The following NUP98 variants were observed in gnomAD, a reference collection of about 807,000 sequenced individuals.
NUP98 encodes the protein nucleoporin 98 and 96 precursor, also known as nuclear pore complex protein Nup98-Nup96.
A neutral mutation model predicts 191.9 loss-of-function variants in NUP98; 26 were observed. That is an observed-to-expected ratio of 0.14 (90% CI 0.10 to 0.19). The LOEUF is 0.19. Among genes scored for constraint, NUP98 ranks in the 10% least tolerant of loss-of-function variants. The pLI, the probability that NUP98 is intolerant of heterozygous loss-of-function variation, is 1.00. For synonymous variants in NUP98, 808 were observed against 778.4 expected (o/e 1.04, Z -0.63); for missense variants, 1,941 against 2,178.8 (o/e 0.89, Z 2.17).
chr11:3,725,229 A>G lies in NUP98; in HGVS notation c.1731-10T>C. ...CTTCTTAATGCTCTTCCTATAAACA[A>G]GAAACCAAAAGAAGAAGAAAAAAAT... On this transcript the variant is annotated splice_polypyrimidine_tract_variant and intron_variant, in intron 14 of 32. Coordinates refer to ENST00000324932, the MANE Select transcript of NUP98 (RefSeq NM_016320.5). 1 of 1,294,558 alleles carries G rather than the reference A, an allele frequency of 7.7e-7. No homozygotes were observed. Among genetic ancestry groups the G allele is most frequent in the Non-Finnish European group, 1.1e-6 (1 of 902,794 alleles). The allele number at this position is 1,294,558 out of a possible 1,614,324, so 80.2% of individuals were successfully genotyped here.
At chr11:3,768,504 A>G in intron 8 of NUP98, 77 bp downstream of exon 8, 1 of 1,300,562 alleles carries the variant, frequency 7.7e-7, no homozygotes, top group Non-Finnish European at 1.0e-6. Flanking sequence ...AGAATTTGCT[A>G]GTTTGACATG....
At chr11:3,774,011 T>TAATATTATGCATAA (rs2081617340) in intron 5 of NUP98, among the ~76,000 whole-genome samples, 1 of 152,170 alleles carries the variant, frequency 6.6e-6, no homozygotes, top group Non-Finnish European at 1.5e-5. Flanking sequence ...AAAATACATG[T>TAATATTATGCATAA]AATATTATGC....
chr11:3,791,533 C>CAAAAAAAA (rs71041395), intron 1 of NUP98, among the ~76,000 whole-genome samples: 94 of 67,202 alleles, frequency 1.4e-3, no homozygotes, highest in Non-Finnish European at 1.9e-3. Context: ...GACCTCGTCT[C>CAAAAAAAA]AAAAAAAAAA....
At position 3,676,579 on chromosome 11, in the gene NUP98, T is replaced by C. The variant is rs1486680623; in HGVS notation, c.5115A>G (p.Lys1705=). ...CTATCCGACTGCACAGTGAAGTCACTTTGATGTGTAACTGCTCCAGGTCAT... is the reference window on the plus strand; with the variant it reads ...CTATCCGACTGCACAGTGAAGTCACCTTGATGTGTAACTGCTCCAGGTCAT... ...SGNDLEQLHI[K]VTSLCSRIEQ... is the part of the protein sequence containing the mutation. Residue 1705 remains lysine (K), a synonymous_variant, in exon 32 of 33, where the codon AAA becomes AAG. Coordinates refer to ENST00000324932, the MANE Select transcript of NUP98 (RefSeq NM_016320.5). The C allele has an allele frequency of 2.5e-6, 4 of 1,614,106 alleles. No homozygotes were observed. The East Asian group carries it at 6.7e-5, about 27-fold the overall frequency.
chr11:3,768,144 G>A (rs776985777), intron 8 of NUP98, among the ~76,000 whole-genome samples: 1 of 152,068 alleles, frequency 6.6e-6, no homozygotes, highest in African/African-American at 2.4e-5. Flanking sequence ...GTTCTTGGCC[G>A]GGCACGGTGG....
chr11:3,742,475 TG>T (rs1394208169), intron 12 of NUP98, among the ~76,000 whole-genome samples: 2 of 152,026 alleles, frequency 1.3e-5, no homozygotes, highest in East Asian at 3.9e-4. Context: ...CCAAGGTAGA[TG>T]GATCACCTGA....
At chr11:3,768,835 G>C in intron 7 of NUP98, 91 bp from the exon 8 acceptor site, 1 of 1,029,580 alleles carries the variant, frequency 9.7e-7, no homozygotes, top group South Asian at 2.3e-5. Flanking sequence ...TCCAGTTGTT[G>C]TAATAGTCTT....
intron 11 of NUP98, among the ~76,000 whole-genome samples, chr11:3,750,934 C>G (rs1294160338): frequency 6.6e-6 from 1 of 152,142 alleles, no homozygotes; most frequent in Non-Finnish European, 1.5e-5. Flanking sequence ...TTAGGCCCAG[C>G]CTACTGATTT....
In NUP98 at chr11:3,771,945, C is replaced by A; in HGVS notation, c.604-17G>T. ...ACGAAGTTCCTGAAGGGAGGGAAAA[C>A]ATATTTCTAATCTTAACATGCAGCT... On this transcript the variant is annotated splice_polypyrimidine_tract_variant and intron_variant, in intron 6 of 32. Transcript: ENST00000324932. 6.2e-7 allele frequency: 1 copy of A among 1,605,800 alleles called. No homozygotes were observed. The highest frequency in any genetic ancestry group is 8.5e-7 in the Non-Finnish European group (1 of 1,174,142).
intron 15 of NUP98, 57 bp from the exon 16 acceptor site, chr11:3,723,512 T>C: frequency 4.2e-6 from 6 of 1,438,086 alleles, no homozygotes; most frequent in East Asian, 4.6e-5. Context: ...ACAATGATAA[T>C]AGCTAACTAA....
chr11:3,759,616 T>C (rs1483254931), intron 10 of NUP98, among the ~76,000 whole-genome samples: 1 of 151,968 alleles, frequency 6.6e-6, no homozygotes, highest in Non-Finnish European at 1.5e-5. Flanking sequence ...AATAAATAAA[T>C]AAATAAAATA....
In NUP98 at chr11:3,760,325, C is replaced by A. The variant is rs1265360685; in HGVS notation, c.1174+214G>T. On this transcript the variant is annotated intron_variant, in intron 10 of 32. Transcript: ENST00000324932. ...GGCAATTTACATGCCTACTAATTATCTCAAGCCATATCCAGGACTTTAAAC... is the reference window on the plus strand; with the variant it reads ...GGCAATTTACATGCCTACTAATTATATCAAGCCATATCCAGGACTTTAAAC... 1.2e-5 allele frequency: 7 copies of A among 600,080 alleles called. No individual in the cohort carries two copies. The East Asian group carries it at 1.7e-4, about 14-fold the overall frequency. 37.2% of individuals were successfully genotyped at this position (600,080 alleles called of 1,614,324 possible). A position where few individuals can be genotyped will look rare whatever the true frequency, so the allele number is the denominator to read the frequency against.
chr11:3,690,907 A>G (rs2078292176), intron 28 of NUP98, among the ~76,000 whole-genome samples: 1 of 152,238 alleles, frequency 6.6e-6, no homozygotes, highest in Non-Finnish European at 1.5e-5. Context: ...ATTATTATGC[A>G]GAATCAAAAA....
intron 1 of NUP98, among the ~76,000 whole-genome samples, chr11:3,790,884 G>A (rs2082310263): frequency 6.7e-6 from 1 of 150,122 alleles, no homozygotes; most frequent in Admixed American, 6.6e-5. Flanking sequence ...TTTTTCTCAT[G>A]GAACACCATT....
At chr11:3,778,270 T>C (rs1427936991) in intron 4 of NUP98, among the ~76,000 whole-genome samples, 4 of 151,684 alleles carry the variant, frequency 2.6e-5, no homozygotes, top group African/African-American at 7.3e-5. Flanking sequence ...CATACTCTTG[T>C]GCCAGGAATG....
intron 12 of NUP98, 124 bp from the exon 13 acceptor site, chr11:3,735,448 T>C (rs575389030): frequency 4.8e-6 from 2 of 421,034 alleles, no homozygotes; most frequent in African/African-American, 2.1e-5. Context: ...CTCAGATCAA[T>C]GGTATCATTG....
At chr11:3,763,929 T>G (rs926803552) in intron 8 of NUP98, among the ~76,000 whole-genome samples, 5 of 152,246 alleles carry the variant, frequency 3.3e-5, no homozygotes, top group African/African-American at 1.2e-4. Flanking sequence ...ACTTATGCAT[T>G]AATAAAGGAA....
At chr11:3,770,609 A>G (rs2081497476) in intron 7 of NUP98, among the ~76,000 whole-genome samples, 1 of 151,976 alleles carries the variant, frequency 6.6e-6, no homozygotes, top group African/African-American at 2.4e-5. Flanking sequence ...GAAAAGCTAT[A>G]ATTTTTGCTT....
At chr11:3,699,650 C>T (rs2078616601) in intron 24 of NUP98, among the ~76,000 whole-genome samples, 1 of 152,214 alleles carries the variant, frequency 6.6e-6, no homozygotes, top group South Asian at 2.1e-4. Flanking sequence ...ATGATATCTA[C>T]TTTGATCAAA....
Sources: allele counts gnomAD v4.1 joint callset (sites outside exome capture counted in the v4.1 genomes callset), GRCh38; gene constraint gnomAD v4.1.1; transcripts MANE v1.5; gene names NCBI Gene and HGNC (gene_info 2026-07-23, HGNC 2026-07-21).